Variants in PALM2AKAP2 observed in about 807,000 individuals in gnomAD.
PALM2AKAP2 encodes the protein PALM2-AKAP2 fusion protein.
PALM2AKAP2 carries 37 observed loss-of-function variants against 71.5 expected under a neutral mutation model. That is an observed-to-expected ratio of 0.52 (90% CI 0.40 to 0.68). The LOEUF is 0.68. Ranked by LOEUF, PALM2AKAP2 falls within the 30% of genes least tolerant of loss-of-function variation. The probability of loss-of-function intolerance (pLI) is 0.00; values close to 1 mark genes in which losing one functional copy is unlikely to be tolerated. For synonymous variants in PALM2AKAP2, 468 were observed against 478.8 expected, an observed-to-expected ratio of 0.98 and a Z score of 0.29; for missense variants, 1,224 against 1,191.8, an observed-to-expected ratio of 1.03 and a Z score of -0.40.
intron 1 of PALM2AKAP2, among the ~76,000 whole-genome samples, chr9:110,053,527 C>CAAAAAAAAAAAAAAAAAAAAAAAGAAAA (rs56132919): frequency 2.4e-5 from 2 of 82,874 alleles, no homozygotes; most frequent in African/African-American, 4.6e-5. Context: ...AACTCTGTCT[C>CAAAAAAAAAAAAAAAAAAAAAAAGAAAA]AAAAAAAAAA....
chr9:109,935,440 C>G lies in PALM2AKAP2; in HGVS notation c.496+3412C>G, dbSNP rs545612957. Among the ~76,000 whole-genome samples, 9 of 152,272 alleles carry G rather than the reference C, an allele frequency of 5.9e-5. No individual in the cohort carries two copies. The South Asian group carries it at 1.9e-3, about 32-fold the overall frequency. On this transcript the variant is annotated intron_variant, in intron 6 of 9. Coordinates refer to the PALM2AKAP2 transcript ENST00000302798. ...CACTAACAAGTTAATTGTCTTAACA[C>G]CCAAGGCACATGTTTCTGTGTAGTC...
At chr9:109,649,383 A>ATGTAGATAGTTGACTCTCTTTT (rs1359595472) in intron 1 of PALM2AKAP2, among the ~76,000 whole-genome samples, 1 of 152,014 alleles carries the variant, frequency 6.6e-6, no homozygotes, top group African/African-American at 2.4e-5. Flanking sequence ...AAAGTCTGTC[A>ATGTAGATAGTTGACTCTCTTTT]TGTAGATAGT....
At chr9:109,848,388 G>A (rs545548644) in intron 1 of PALM2AKAP2, among the ~76,000 whole-genome samples, 2 of 152,322 alleles carry the variant, frequency 1.3e-5, no homozygotes, top group South Asian at 4.1e-4. Context: ...TGTGCTGCGT[G>A]TTTGTGGTTG....
intron 1 of PALM2AKAP2, among the ~76,000 whole-genome samples, chr9:110,061,629 A>G (rs890659781): frequency 6.8e-6 from 1 of 148,046 alleles, no homozygotes; most frequent in Non-Finnish European, 1.5e-5. Flanking sequence ...TAAAATATAT[A>G]TATTTATTTA....
At chr9:110,168,757 A>G (rs1444920324) in exon 4 of PALM2AKAP2, 3 of 410,130 alleles carry the variant, frequency 7.3e-6, no homozygotes, top group East Asian at 9.9e-5. Context: ...GGGCCAATCT[A>G]CAATGGATCC....
chr9:109,960,146 C>T (rs888799091), intron 6 of PALM2AKAP2, among the ~76,000 whole-genome samples: 2 of 152,186 alleles, frequency 1.3e-5, no homozygotes, highest in African/African-American at 4.8e-5. Flanking sequence ...TTCACCCCTT[C>T]CCCACACTTG....
chr9:109,685,846 T>C (rs951585258), intron 1 of PALM2AKAP2, among the ~76,000 whole-genome samples: 1 of 152,166 alleles, frequency 6.6e-6, no homozygotes, highest in African/African-American at 2.4e-5. Flanking sequence ...TAGCATGCAA[T>C]GCTGTTCGAT....
chr9:110,138,520 A>G (rs140643568), exon 2 of PALM2AKAP2: 15 of 1,607,134 alleles, frequency 9.3e-6, no homozygotes, highest in Admixed American at 1.7e-5. Flanking sequence ...CCTCCAGAAC[A>G]TGCTACAAAA....
intron 1 of PALM2AKAP2, among the ~76,000 whole-genome samples, chr9:109,725,400 C>T (rs573352830): frequency 5.5e-4 from 84 of 152,214 alleles, no homozygotes; most frequent in Non-Finnish European, 7.9e-4. Context: ...GTGCCTCACT[C>T]GTGTCATATT....
rs143910742 is a variant in PALM2AKAP2 at position 109,689,406 on chromosome 9, A to G, written c.5+48540A>G. Among the ~76,000 whole-genome samples the G allele has an allele frequency of 3.5e-3, 538 of 151,842 alleles. 7 individuals carry two copies. The highest frequency in any genetic ancestry group is 0.012 in the African/African-American group (515 of 41,440). On this transcript the variant is annotated intron_variant, in intron 1 of 6. Coordinates refer to the PALM2AKAP2 transcript ENST00000374531. Reference sequence around the variant, plus strand: ...GTAGAGACTGGGTTTCACCAAGTTGATCAGGCTGGTCTCAAACTCCTGACC... The same window carrying G: ...GTAGAGACTGGGTTTCACCAAGTTGGTCAGGCTGGTCTCAAACTCCTGACC...
exon 6 of PALM2AKAP2, chr9:109,932,007 G>A (rs1831114209): frequency 6.2e-7 from 1 of 1,613,428 alleles, no homozygotes; most frequent in African/African-American, 1.3e-5. Flanking sequence ...ACCTGGGCAG[G>A]ACGGGACCAG....
At chr9:109,980,263 T>C (rs1832246684) in intron 6 of PALM2AKAP2, among the ~76,000 whole-genome samples, 2 of 152,208 alleles carry the variant, frequency 1.3e-5, no homozygotes, top group Admixed American at 1.3e-4. Flanking sequence ...CTAATCACCC[T>C]GAGCCTTGCT....
chr9:109,788,477 T>C (rs1477755721), intron 1 of PALM2AKAP2, among the ~76,000 whole-genome samples: 1 of 152,184 alleles, frequency 6.6e-6, no homozygotes. Context: ...AAAACACAGA[T>C]TGCAAGAGCA....
chr9:109,942,682 CAAG>C, intron 6 of PALM2AKAP2: 1 of 1,541,630 alleles, frequency 6.5e-7, no homozygotes. Flanking sequence ...TGTTTTCATT[CAAG>C]CTGTGTACGC....
chr9:110,143,263 A>AG (rs1836079098), intron 2 of PALM2AKAP2, among the ~76,000 whole-genome samples: 2 of 151,756 alleles, frequency 1.3e-5, no homozygotes, highest in Non-Finnish European at 2.9e-5. Flanking sequence ...AAAAAAAAAA[A>AG]AAAGAAAAAT....
intron 3 of PALM2AKAP2, among the ~76,000 whole-genome samples, chr9:110,168,188 C>T (rs1587886529): frequency 6.6e-6 from 1 of 152,154 alleles, no homozygotes; most frequent in African/African-American, 2.4e-5. Flanking sequence ...AACTAGGGGT[C>T]AAGTAGCAGA....
At chr9:110,102,470 T>G (rs964727870) in intron 1 of PALM2AKAP2, among the ~76,000 whole-genome samples, 1 of 152,202 alleles carries the variant, frequency 6.6e-6, no homozygotes, top group Non-Finnish European at 1.5e-5. Flanking sequence ...CAGAGCTGGA[T>G]TTTGAAAGAT....
intron 1 of PALM2AKAP2, among the ~76,000 whole-genome samples, chr9:110,068,550 G>A (rs920739366): frequency 2.1e-5 from 3 of 140,124 alleles, no homozygotes; most frequent in African/African-American, 3.0e-5. Context: ...TTTTTTTTGA[G>A]ACAGGGTCTC....
intron 1 of PALM2AKAP2, among the ~76,000 whole-genome samples, chr9:109,790,452 A>G (rs568502567): frequency 3.3e-4 from 51 of 152,310 alleles, no homozygotes; most frequent in Admixed American, 9.8e-4. Context: ...TTCTTAAGAG[A>G]AAAACATGCT....
Sources: allele counts gnomAD v4.1 joint callset (sites outside exome capture counted in the v4.1 genomes callset), GRCh38; gene constraint gnomAD v4.1.1; transcripts MANE v1.5; gene names NCBI Gene and HGNC (gene_info 2026-07-23, HGNC 2026-07-21).